Variants in PTPRD observed in about 807,000 individuals in gnomAD.
PTPRD encodes the protein receptor-type tyrosine-protein phosphatase delta.
PTPRD carries 34 observed loss-of-function variants against 214.5 expected under a neutral mutation model. That is an observed-to-expected ratio of 0.16 (90% CI 0.12 to 0.21). The LOEUF (loss-of-function observed/expected upper bound fraction) is 0.21. Among genes scored for constraint, PTPRD ranks in the 10% least tolerant of loss-of-function variants. PTPRD has a pLI of 1.00. For missense variants in PTPRD, 2,545 were observed against 2,398.7 expected (o/e 1.06, Z -1.27); for synonymous variants, 1,128 against 845.7 (o/e 1.33, Z -5.79).
rs137869937 is a variant in PTPRD, at chr9:9,204,550, T to A, written c.-202-21187A>T. Among the ~76,000 whole-genome samples, 449 of 152,288 alleles carry A rather than the reference T, an allele frequency of 2.9e-3. 2 individuals are homozygous for A. The highest frequency in any genetic ancestry group is 0.01 in the African/African-American group (419 of 41,568). ...CACTCACGAGTCCTTTGCTTCCAAC[T>A]ATAGAGTACTCTATATAACTCTGGC... On this transcript the variant is annotated intron_variant, in intron 9 of 45. Coordinates refer to ENST00000381196, the MANE Select transcript of PTPRD (RefSeq NM_002839.4).
intron 11 of PTPRD, among the ~76,000 whole-genome samples, chr9:9,004,963 G>C (rs147061097): frequency 1.2e-4 from 19 of 152,212 alleles, no homozygotes; most frequent in Non-Finnish European, 2.1e-4. Flanking sequence ...AGTGTCATTT[G>C]CATTATCCGC....
intron 3 of PTPRD, among the ~76,000 whole-genome samples, chr9:10,067,604 T>G (rs761518227): frequency 2.6e-5 from 4 of 151,856 alleles, no homozygotes; most frequent in Non-Finnish European, 5.9e-5. Flanking sequence ...TTATTATCTC[T>G]TATTAACAGC....
intron 5 of PTPRD, among the ~76,000 whole-genome samples, chr9:9,847,323 T>G (rs910618047): frequency 6.6e-6 from 1 of 152,192 alleles, no homozygotes; most frequent in African/African-American, 2.4e-5. Flanking sequence ...TATGGTATTT[T>G]GAAAATAAAT....
chr9:9,114,501 G>A (rs2099810309), intron 10 of PTPRD, among the ~76,000 whole-genome samples: 1 of 152,098 alleles, frequency 6.6e-6, no homozygotes, highest in African/African-American at 2.4e-5. Flanking sequence ...GAGGTAAGCT[G>A]ATTTCATCTT....
At chr9:9,663,559 C>G (rs976700228) in intron 7 of PTPRD, among the ~76,000 whole-genome samples, 5 of 151,476 alleles carry the variant, frequency 3.3e-5, no homozygotes, top group Admixed American at 1.3e-4. Flanking sequence ...CCATCCCTAT[C>G]AAACTCCCAT....
intron 6 of PTPRD, among the ~76,000 whole-genome samples, chr9:9,750,525 C>A (rs1235101996): frequency 6.6e-6 from 1 of 152,076 alleles, no homozygotes; most frequent in Admixed American, 6.6e-5. Flanking sequence ...TCACCATAAC[C>A]AATCTCAGTA....
chr9:8,589,179 T>C (rs913644671), intron 14 of PTPRD, among the ~76,000 whole-genome samples: 14 of 152,326 alleles, frequency 9.2e-5, no homozygotes, highest in African/African-American at 2.9e-4. Context: ...GGCTAACCTT[T>C]ACACTATGAA....
chr9:10,129,064 G>C (rs777993728), intron 3 of PTPRD, among the ~76,000 whole-genome samples: 1 of 152,076 alleles, frequency 6.6e-6, no homozygotes, highest in African/African-American at 2.4e-5. Flanking sequence ...GGGTAGAGAA[G>C]ACATTTTCCA....
intron 7 of PTPRD, among the ~76,000 whole-genome samples, chr9:9,718,650 G>T (rs958793353): frequency 6.6e-6 from 1 of 152,188 alleles, no homozygotes; most frequent in African/African-American, 2.4e-5. Flanking sequence ...CCTGCTCTGT[G>T]GTGGAGCAAA....
intron 23 of PTPRD, among the ~76,000 whole-genome samples, chr9:8,501,661 A>G (rs1327132094): frequency 2.0e-5 from 3 of 152,192 alleles, no homozygotes; most frequent in African/African-American, 7.2e-5. Context: ...AGTTTGCCTG[A>G]CCAGTTTTAA....
intron 7 of PTPRD, among the ~76,000 whole-genome samples, chr9:9,700,160 T>C (rs553125330): frequency 1.3e-5 from 2 of 152,274 alleles, no homozygotes; most frequent in South Asian, 4.1e-4. Context: ...TTGAGAAATA[T>C]ATATTATGTG....
At chr9:8,641,249 C>T (rs1036321157) in intron 12 of PTPRD, among the ~76,000 whole-genome samples, 1 of 148,128 alleles carries the variant, frequency 6.8e-6, no homozygotes, top group African/African-American at 2.7e-5. Context: ...AGATTTGAAT[C>T]GTGAAAATCT....
rs887007962 is a variant in PTPRD, at chr9:10,612,955, ACTCG to A, written c.-979_-976del. On this transcript the variant is annotated 5_prime_UTR_variant, in exon 1 of 46. Transcript: ENST00000381196. ...GGGGAGCCGAGGCGGCCGCTCCCGC[ACTCG>A]CTCGCTCGCTCGCTGGCGCTCCCTC... Among the ~76,000 whole-genome samples, 16 of 150,668 alleles carry A rather than the reference ACTCG, an allele frequency of 1.1e-4. No individual in the cohort carries two copies. Among genetic ancestry groups the A allele is most frequent in the South Asian group, 2.1e-4 (1 of 4,780 alleles).
At chr9:10,045,674 A>G (rs2097375004) in intron 3 of PTPRD, among the ~76,000 whole-genome samples, 1 of 151,732 alleles carries the variant, frequency 6.6e-6, no homozygotes, top group Admixed American at 6.6e-5. Context: ...ATACTGTATG[A>G]TAATCATTCC....
At chr9:9,197,297 C>A (rs187798777) in intron 9 of PTPRD, among the ~76,000 whole-genome samples, 1 of 152,108 alleles carries the variant, frequency 6.6e-6, no homozygotes, top group Admixed American at 6.5e-5. Flanking sequence ...CATAGTTCCC[C>A]GATGGCTTGT....
chr9:9,375,052 A>T (rs1215219576), intron 9 of PTPRD, among the ~76,000 whole-genome samples: 1 of 152,156 alleles, frequency 6.6e-6, no homozygotes, highest in Non-Finnish European at 1.5e-5. Flanking sequence ...CAGATTAAAC[A>T]TAGGTCTATA....
rs184981562 is a variant in PTPRD, at chr9:8,841,407, T to G, written c.-103-107461A>C. On this transcript the variant is annotated intron_variant, in intron 11 of 45. Coordinates refer to ENST00000381196, the MANE Select transcript of PTPRD (RefSeq NM_002839.4). ...TCACCTCTGGTAAGAAAATAAATGT[T>G]ATAAACAAATAGAAACAAGCTTTAT... Among the ~76,000 whole-genome samples the G allele has an allele frequency of 5.1e-4, 78 of 152,306 alleles. 1 individual carries two copies. The highest frequency in any genetic ancestry group is 1.8e-3 in the African/African-American group (75 of 41,576).
At chr9:10,012,158 G>GTA (rs2096613896) in intron 4 of PTPRD, among the ~76,000 whole-genome samples, 1 of 151,694 alleles carries the variant, frequency 6.6e-6, no homozygotes, top group Non-Finnish European at 1.5e-5. Flanking sequence ...ATTGTAAGAC[G>GTA]TATACAAATG....
chr9:8,448,094 G>A (rs2095803890), intron 34 of PTPRD, among the ~76,000 whole-genome samples: 1 of 152,082 alleles, frequency 6.6e-6, no homozygotes, highest in African/African-American at 2.4e-5. Flanking sequence ...GGAGGCTGAG[G>A]CAGGTGAGTT....
Sources: gnomAD v4.1 joint callset for allele counts (sites outside exome capture counted in the v4.1 genomes callset) on GRCh38, gnomAD v4.1.1 for gene constraint, MANE v1.5 for transcripts, NCBI Gene and HGNC (gene_info 2026-07-23, HGNC 2026-07-21) for gene names.